Variants in INIP observed in about 807,000 individuals in gnomAD.
INIP encodes the protein INTS3 and NABP interacting protein.
In INIP, 9 loss-of-function variants were observed where a neutral mutation model predicts 14.0. The observed-to-expected ratio is 0.64, with a 90% CI of 0.39 to 1.12. INIP has a LOEUF of 1.12. INIP is among the 50% of genes most tolerant of loss of function. The pLI is 0.01. For synonymous variants in INIP, 37 were observed against 41.5 expected (o/e 0.89, Z 0.41); for missense variants, 78 against 122.7 (o/e 0.64, Z 1.72).
chr9:112,691,472 T>C (rs756782100), intron 3 of INIP, among the ~76,000 whole-genome samples: 2 of 151,996 alleles, frequency 1.3e-5, no homozygotes, highest in African/African-American at 2.4e-5. Flanking sequence ...AGGTGGTGCT[T>C]AGAAGAAAGG....
intron 2 of INIP, among the ~76,000 whole-genome samples, chr9:112,698,569 T>C (rs1838183186): frequency 6.6e-6 from 1 of 152,204 alleles, no homozygotes; most frequent in Non-Finnish European, 1.5e-5. Context: ...ACAAGTCCAC[T>C]GATTTAGAGA....
At chr9:112,707,518 T>A (rs1406504260) in intron 2 of INIP, among the ~76,000 whole-genome samples, 1 of 151,798 alleles carries the variant, frequency 6.6e-6, no homozygotes, top group Non-Finnish European at 1.5e-5. Flanking sequence ...TTTCTTTTTT[T>A]TCCTCCCGCA....
intron 2 of INIP, among the ~76,000 whole-genome samples, chr9:112,712,188 AT>A (rs1425876814): frequency 1.3e-5 from 2 of 152,238 alleles, no homozygotes; most frequent in African/African-American, 4.8e-5. Flanking sequence ...CAATTCATGC[AT>A]ATAAAATCCA....
chr9:112,715,113 T>C (rs1230446475), intron 2 of INIP, among the ~76,000 whole-genome samples: 2 of 137,410 alleles, frequency 1.5e-5, no homozygotes, highest in Admixed American at 1.5e-4. Flanking sequence ...GATCTTAAAA[T>C]ACACACATAC....
At chr9:112,695,791 AGGGGG>A (rs1838061601) in intron 2 of INIP, among the ~76,000 whole-genome samples, 1 of 99,626 alleles carries the variant, frequency 1.0e-5, no homozygotes, top group East Asian at 3.1e-4. Flanking sequence ...GGGGAGGGGG[AGGGGG>A]AGGAGGAGGA....
At chr9:112,692,022 G>GA (rs967177572) in intron 3 of INIP, among the ~76,000 whole-genome samples, 8 of 151,002 alleles carry the variant, frequency 5.3e-5, no homozygotes, top group Middle Eastern at 3.4e-3. Flanking sequence ...AAAGAAAAAA[G>GA]AAAAAAAAGA....
chr9:112,700,407 G>A (rs1007911386), intron 2 of INIP, among the ~76,000 whole-genome samples: 1 of 151,654 alleles, frequency 6.6e-6, no homozygotes, highest in African/African-American at 2.4e-5. Context: ...ATGGTGTATA[G>A]TTCACAAACC....
In INIP at chr9:112,685,228, C is replaced by T. The variant is rs1444139125; in HGVS notation, c.*2310G>A. ...GAGTGGCTGGGACTCTATGCATGCA[C>T]CAGCACACCTAGCCAATCTTTTTTT... On this transcript the variant is annotated 3_prime_UTR_variant, in exon 5 of 5. Transcript: ENST00000374242. The T allele has an allele frequency of 2.0e-5, 3 of 152,068 alleles. No individual in the cohort carries two copies. Among genetic ancestry groups the T allele is most frequent in the Non-Finnish European group, 4.4e-5 (3 of 68,080 alleles). 9.4% of individuals were successfully genotyped at this position (152,068 alleles called of 1,614,324 possible).
At chr9:112,714,288 T>G (rs1300182460) in intron 2 of INIP, among the ~76,000 whole-genome samples, 3 of 151,952 alleles carry the variant, frequency 2.0e-5, no homozygotes, top group Non-Finnish European at 4.4e-5. Context: ...AGAACAGAGA[T>G]GAGTAATTTA....
At chr9:112,698,629 GA>G (rs1170726069) in intron 2 of INIP, among the ~76,000 whole-genome samples, 1 of 152,192 alleles carries the variant, frequency 6.6e-6, no homozygotes, top group Non-Finnish European at 1.5e-5. Flanking sequence ...GGCAGGGATG[GA>G]AAAATGAGAG....
chr9:112,687,284 T>C lies in INIP; in HGVS notation c.*254A>G, dbSNP rs1837708759. On this transcript the variant is annotated 3_prime_UTR_variant, in exon 5 of 5. Transcript: ENST00000374242. Reference sequence around the variant, plus strand: ...CGTGACCATCCAGTTCACAGTCTGATTGAGAGTTAAACAGCATTACAAAAA... The same window carrying C: ...CGTGACCATCCAGTTCACAGTCTGACTGAGAGTTAAACAGCATTACAAAAA... 1 of 324,032 alleles carries C rather than the reference T, an allele frequency of 3.1e-6. No individual in the cohort carries two copies. Among genetic ancestry groups the C allele is most frequent in the Non-Finnish European group, 5.8e-6 (1 of 173,296 alleles). The allele number at this position is 324,032 out of a possible 1,614,324, so 20.1% of individuals were successfully genotyped here. A position where few individuals can be genotyped will look rare whatever the true frequency, so the allele number is the denominator to read the frequency against.
At chr9:112,715,293 A>G (rs1006955685) in intron 2 of INIP, among the ~76,000 whole-genome samples, 1 of 152,224 alleles carries the variant, frequency 6.6e-6, no homozygotes, top group Non-Finnish European at 1.5e-5. Context: ...TTGTGAGTGA[A>G]TGTGAAAGTC....
chr9:112,709,628 T>C (rs1838587837), intron 2 of INIP, among the ~76,000 whole-genome samples: 1 of 152,208 alleles, frequency 6.6e-6, no homozygotes, highest in Non-Finnish European at 1.5e-5. Flanking sequence ...TATCTAGCAT[T>C]CTTTCTCCCT....
chr9:112,707,726 A>C (rs780602501), intron 2 of INIP, among the ~76,000 whole-genome samples: 4 of 152,186 alleles, frequency 2.6e-5, no homozygotes, highest in Non-Finnish European at 4.4e-5. Context: ...AATCTACTAC[A>C]CTTTCATAAC....
At chr9:112,715,127 CAT>C (rs1838764664) in intron 2 of INIP, among the ~76,000 whole-genome samples, 2 of 127,698 alleles carry the variant, frequency 1.6e-5, no homozygotes, top group African/African-American at 6.1e-5. Context: ...CACATACATA[CAT>C]ACATACACAC....
chr9:112,700,172 C>T (rs1467723537), intron 2 of INIP, among the ~76,000 whole-genome samples: 2 of 152,162 alleles, frequency 1.3e-5, no homozygotes, highest in East Asian at 3.8e-4. Flanking sequence ...ATTCCCTGTT[C>T]CACACTGATT....
At chr9:112,713,844 C>A (rs534454358) in intron 2 of INIP, among the ~76,000 whole-genome samples, 2 of 152,004 alleles carry the variant, frequency 1.3e-5, no homozygotes, top group Non-Finnish European at 2.9e-5. Context: ...ATTAGCCAGG[C>A]GCAGTGGCAC....
At chr9:112,688,184 C>T (rs1277729018) in intron 4 of INIP, among the ~76,000 whole-genome samples, 1 of 152,124 alleles carries the variant, frequency 6.6e-6, no homozygotes, top group Non-Finnish European at 1.5e-5. Flanking sequence ...AATACAGAAT[C>T]TGGGTCAACA....
At chr9:112,694,494 G>C (rs563439930) in intron 2 of INIP, among the ~76,000 whole-genome samples, 61 of 152,292 alleles carry the variant, frequency 4.0e-4, no homozygotes, top group African/African-American at 1.5e-3. Flanking sequence ...GTGTAGCTGA[G>C]GACTTTTAAG....
Sources: allele counts gnomAD v4.1 joint callset (sites outside exome capture counted in the v4.1 genomes callset), GRCh38; gene constraint gnomAD v4.1.1; transcripts MANE v1.5; gene names NCBI Gene and HGNC (gene_info 2026-07-23, HGNC 2026-07-21).